Variants in SNX12 observed in about 807,000 individuals in gnomAD.
The protein encoded by SNX12 is sorting nexin 12.
For synonymous variants in SNX12, 47 were observed against 56.0 expected, an observed-to-expected ratio of 0.84 and a Z score of 0.71; for missense variants, 62 against 141.3, an observed-to-expected ratio of 0.44 and a Z score of 2.84.
In SNX12 at chrX:71,059,721, A is replaced by G. The variant is rs1484287219; in HGVS notation, c.*1295T>C. 9.0e-6 allele frequency: 1 copy of G among 111,395 alleles called. No homozygotes were observed. The highest frequency in any genetic ancestry group is 3.3e-5 in the African/African-American group (1 of 30,608). The allele number at this position is 111,395 out of a possible 1,213,427, so 9.2% of individuals were successfully genotyped here. A position where few individuals can be genotyped will look rare whatever the true frequency, so the allele number is the denominator to read the frequency against. ...GAGCCCCCACCTCTCACCTGGCACC[A>G]AAGTTAACTTACTCTCACCCCACCA... On this transcript the variant is annotated 3_prime_UTR_variant, in exon 4 of 4. Coordinates refer to ENST00000374274, the MANE Select transcript of SNX12 (RefSeq NM_013346.4).
At chrX:71,069,186 C>T (rs1236215695), upstream of SNX12, among the ~76,000 whole-genome samples, 1 of 112,031 alleles carries the variant, frequency 8.9e-6, no homozygotes, top group African/African-American at 3.2e-5. Flanking sequence ...ATATGCTCCA[C>T]ATTAAAGGGT....
rs1256898045 is a variant in SNX12, at chrX:71,059,686, T to A, written c.*1330A>T. 2 of 110,199 alleles carry A rather than the reference T, an allele frequency of 1.8e-5. No homozygotes were observed. The highest frequency in any genetic ancestry group is 6.6e-5 in the African/African-American group (2 of 30,166). 9.1% of individuals were successfully genotyped at this position (110,199 alleles called of 1,213,427 possible). ...ACTCCAATCTTTCCATGATAGGGAG[T>A]CTAAGCAAAGAGCCCCCACCTCTCA... On this transcript the variant is annotated 3_prime_UTR_variant, in exon 4 of 4. Transcript: ENST00000374274.
In SNX12 at chrX:71,060,675, T is replaced by C; in HGVS notation, c.*341A>G. On this transcript the variant is annotated 3_prime_UTR_variant, in exon 4 of 4. Transcript: ENST00000374274. ...ATCCCCTGAACTTGCAGCATCAGTATGTATCCAAGTGCCTCACCAGCACAA... is the reference window on the plus strand; with the variant it reads ...ATCCCCTGAACTTGCAGCATCAGTACGTATCCAAGTGCCTCACCAGCACAA... 4.2e-6 allele frequency: 1 copy of C among 238,880 alleles called. No homozygotes were observed. Among genetic ancestry groups the C allele is most frequent in the South Asian group, 8.6e-5 (1 of 11,644 alleles). The allele number at this position is 238,880 out of a possible 1,213,427, so 19.7% of individuals were successfully genotyped here.
chrX:71,061,789 AG>A, intron 3 of SNX12, 53 bp downstream of exon 3: 1 of 1,114,690 alleles, frequency 9.0e-7, no homozygotes, highest in Non-Finnish European at 1.2e-6. Context: ...CAAAACATAT[AG>A]AAAGACTACG....
chrX:71,065,461 G>C (rs1173232073), intron 1 of SNX12, among the ~76,000 whole-genome samples: 1 of 109,937 alleles, frequency 9.1e-6, no homozygotes, highest in Non-Finnish European at 1.9e-5. Flanking sequence ...TTGAGGTCAG[G>C]AGTTCGAGAC....
Position 71,062,859 on chromosome X carries a change from T to C in SNX12, c.256A>G (p.Ser86Gly). The change falls in exon 2 of 4, where the codon AGC becomes GGC. Residue 86 changes from serine (S) to glycine (G), a missense_variant. Ser to Gly is a moderately conservative substitution (Grantham distance 56, BLOSUM62 0). Transcript: ENST00000374274. ...CACAGAGAACAAAGCCATACCTTGCTATCTCTCTCCAGCTCATTTTTCAGC... is the reference window on the plus strand; with the variant it reads ...CACAGAGAACAAAGCCATACCTTGCCATCTCTCTCCAGCTCATTTTTCAGC... ...EWLKNELERD[S>G]KIVVPPLPGK... 1 of 1,197,312 alleles carries C rather than the reference T, an allele frequency of 8.4e-7. No homozygotes were observed.
chrX:71,068,356 C>CCT, upstream of SNX12: 4 of 1,065,060 alleles, frequency 3.8e-6, no homozygotes, highest in Non-Finnish European at 5.1e-6. Flanking sequence ...GGGACAGAGG[C>CCT]CTGAGGCAGG....
intron 1 of SNX12, among the ~76,000 whole-genome samples, chrX:71,066,812 C>T (rs952270317): frequency 9.0e-6 from 1 of 110,623 alleles, no homozygotes; most frequent in African/African-American, 3.3e-5. Context: ...CCATTCTCCC[C>T]CAAAGACATG....
At chrX:71,069,932 C>T (rs1302328278), upstream of SNX12, among the ~76,000 whole-genome samples, 1 of 95,557 alleles carries the variant, frequency 1.0e-5, no homozygotes. Context: ...CAGAGCAAGA[C>T]TCCATCAAAA....
intron 3 of SNX12, among the ~76,000 whole-genome samples, chrX:71,061,383 G>A (rs1220296410): frequency 3.6e-5 from 4 of 112,084 alleles, no homozygotes; most frequent in Admixed American, 2.8e-4. Flanking sequence ...TCAAAGGAAT[G>A]GAGTTTTACT....
chrX:71,066,032 A>C (rs764360274), intron 1 of SNX12, among the ~76,000 whole-genome samples: 2 of 111,531 alleles, frequency 1.8e-5, no homozygotes, highest in African/African-American at 3.3e-5. Context: ...GAGTAGAAAA[A>C]TTTTGCATGC....
At chrX:71,067,576 A>G (rs1339040798) in intron 1 of SNX12, among the ~76,000 whole-genome samples, 1 of 111,851 alleles carries the variant, frequency 8.9e-6, no homozygotes, top group African/African-American at 3.3e-5. Flanking sequence ...GCTCGGTCTC[A>G]AGGAGACTCC....
At chrX:71,065,518 A>G (rs2092149218) in intron 1 of SNX12, among the ~76,000 whole-genome samples, 2 of 109,133 alleles carry the variant, frequency 1.8e-5, no homozygotes, top group African/African-American at 3.3e-5. Flanking sequence ...AAAATACAAA[A>G]ATTAGGCCGG....
rs768676082 is a variant in SNX12, at chrX:71,061,334, T to C, written c.387-216A>G. On this transcript the variant is annotated intron_variant, in intron 3 of 3. Transcript: ENST00000374274. ...ATCCCTAGATATAACCAACATGCAG[T>C]GCTTTCTCAGGCCCTGACACACAGG... 2.1e-3 allele frequency among the ~76,000 whole-genome samples: 233 copies of C among 111,638 alleles called. 3 individuals carry two copies. The highest frequency in any genetic ancestry group is 7.3e-3 in the African/African-American group (226 of 30,752).
At chrX:71,070,205 G>GGATC (rs1417043618), upstream of SNX12, among the ~76,000 whole-genome samples, 1 of 111,213 alleles carries the variant, frequency 9.0e-6, no homozygotes, top group African/African-American at 3.3e-5. Context: ...AGTCCCTGAA[G>GGATC]GATCCTAAGC....
chrX:71,071,514 A>AATGTATATAT (rs1569477430), upstream of SNX12, among the ~76,000 whole-genome samples: 2,552 of 49,729 alleles, frequency 0.051, 193 homozygotes, highest in African/African-American at 0.19. Flanking sequence ...TTTATATATT[A>AATGTATATAT]ATTTATATAT....
upstream of SNX12, chrX:71,068,577 C>T (rs2092164167): frequency 4.3e-6 from 1 of 234,551 alleles, no homozygotes; most frequent in Non-Finnish European, 7.6e-6. Flanking sequence ...ACCTGCATCC[C>T]CAATACGCAG....
chrX:71,071,632 TTTATATTTATATATCTATATC>T (rs2092173697), upstream of SNX12, among the ~76,000 whole-genome samples: 1 of 52,750 alleles, frequency 1.9e-5, no homozygotes, highest in Non-Finnish European at 3.1e-5. Flanking sequence ...TATTTATATA[TTTATATTTATATATCTATATC>T]ATTATATATA....
At chrX:71,071,102 TC>T (rs2092170201), upstream of SNX12, among the ~76,000 whole-genome samples, 1 of 109,954 alleles carries the variant, frequency 9.1e-6, no homozygotes, top group Non-Finnish European at 1.9e-5. Context: ...AGTCTTTTTT[TC>T]TAATTTGTGA....
Sources: allele counts gnomAD v4.1 joint callset (sites outside exome capture counted in the v4.1 genomes callset), GRCh38; gene constraint gnomAD v4.1.1; transcripts MANE v1.5; gene names NCBI Gene and HGNC (gene_info 2026-07-23, HGNC 2026-07-21).